CACNA2D3: variants seen among roughly 807,000 people sequenced by gnomAD.
The protein encoded by CACNA2D3 is voltage-dependent calcium channel subunit alpha-2/delta-3.
Under a neutral mutation model 160.6 loss-of-function variants are expected in CACNA2D3, and 60 were observed. That is an observed-to-expected ratio of 0.37 (90% confidence interval 0.30 to 0.46). CACNA2D3 has a LOEUF of 0.46. Ranked by LOEUF, CACNA2D3 falls within the 20% of genes least tolerant of loss-of-function variation. CACNA2D3 has a pLI of 1.00. For synonymous variants in CACNA2D3, 558 were observed against 492.9 expected, an observed-to-expected ratio of 1.13 and a Z score of -1.75; for missense variants, 1,205 against 1,365.0, an observed-to-expected ratio of 0.88 and a Z score of 1.85.
chr3:54,909,481 C>T (rs940245387), intron 27 of CACNA2D3, among the ~76,000 whole-genome samples: 5 of 152,056 alleles, frequency 3.3e-5, no homozygotes, highest in African/African-American at 1.2e-4. Flanking sequence ...GATGAGCTGA[C>T]ATGAATTTCC....
chr3:54,568,155 G>A (rs1702438609), intron 6 of CACNA2D3, among the ~76,000 whole-genome samples: 1 of 152,206 alleles, frequency 6.6e-6, no homozygotes, highest in Non-Finnish European at 1.5e-5. Context: ...AAAGAGAACA[G>A]GAAGTCATAG....
intron 11 of CACNA2D3, among the ~76,000 whole-genome samples, chr3:54,668,666 G>T (rs1026978037): frequency 2.6e-5 from 4 of 152,158 alleles, no homozygotes; most frequent in Non-Finnish European, 5.9e-5. Context: ...AACCCTGCAG[G>T]GATTGCCGTA....
chr3:54,790,881 G>A (rs1310524940), intron 13 of CACNA2D3, among the ~76,000 whole-genome samples: 1 of 152,162 alleles, frequency 6.6e-6, no homozygotes, highest in African/African-American at 2.4e-5. Context: ...CAGTCAAGGT[G>A]AAAAGGATTG....
chr3:54,899,298 C>T lies in CACNA2D3; in HGVS notation c.2369-490C>T, dbSNP rs967882606. On this transcript the variant is annotated intron_variant, in intron 26 of 37. Coordinates refer to ENST00000474759, the MANE Select transcript of CACNA2D3 (RefSeq NM_018398.3). Reference sequence around the variant, plus strand: ...TCTATCCCTGTTTAGAATAATTTTGCCCAGAAAAACTGGGCTCGAAATTAC... The same window carrying T: ...TCTATCCCTGTTTAGAATAATTTTGTCCAGAAAAACTGGGCTCGAAATTAC... 2.0e-5 allele frequency among the ~76,000 whole-genome samples: 3 copies of T among 152,080 alleles called. No individual in the cohort carries two copies. The East Asian group carries it at 5.8e-4, about 29-fold the overall frequency.
intron 2 of CACNA2D3, among the ~76,000 whole-genome samples, chr3:54,234,571 C>T (rs1355448339): frequency 6.6e-6 from 1 of 152,128 alleles, no homozygotes; most frequent in African/African-American, 2.4e-5. Context: ...ATGTTCATTA[C>T]AGCACTATTC....
chr3:54,991,086 G>A (rs1365179727), intron 31 of CACNA2D3, among the ~76,000 whole-genome samples: 12 of 152,120 alleles, frequency 7.9e-5, no homozygotes, highest in Admixed American at 7.9e-4. Context: ...CTCCAGGCTT[G>A]GCTTGTCCTT....
At chr3:54,834,064 A>G (rs1703933981) in intron 14 of CACNA2D3, among the ~76,000 whole-genome samples, 2 of 152,224 alleles carry the variant, frequency 1.3e-5, no homozygotes, top group African/African-American at 4.8e-5. Flanking sequence ...GTAATGATGC[A>G]GTAATTACAT....
chr3:54,381,856 A>G (rs1699107936), intron 3 of CACNA2D3, among the ~76,000 whole-genome samples: 1 of 152,206 alleles, frequency 6.6e-6, no homozygotes, highest in Non-Finnish European at 1.5e-5. Flanking sequence ...ACTAAAAGGG[A>G]TGAGTTATAT....
chr3:54,768,531 A>C (rs1287249517), intron 13 of CACNA2D3, among the ~76,000 whole-genome samples: 2 of 152,334 alleles, frequency 1.3e-5, no homozygotes, highest in East Asian at 3.9e-4. Flanking sequence ...TTTGCGCTGA[A>C]GTACTTTTGT....
At chr3:54,713,459 T>A (rs1341261866) in intron 11 of CACNA2D3, among the ~76,000 whole-genome samples, 1 of 152,212 alleles carries the variant, frequency 6.6e-6, no homozygotes, top group Non-Finnish European at 1.5e-5. Context: ...AGAGCCACCC[T>A]TCCCTGGATC....
chr3:54,289,538 A>G (rs2107474588), intron 2 of CACNA2D3, among the ~76,000 whole-genome samples: 1 of 152,080 alleles, frequency 6.6e-6, no homozygotes, highest in African/African-American at 2.4e-5. Context: ...GACTTTCTTC[A>G]CAGAATTGGA....
At position 54,317,656 on chromosome 3, in the gene CACNA2D3, G is replaced by A. The variant is rs373355163; in HGVS notation, c.205-2786G>A. Among the ~76,000 whole-genome samples, 14 of 152,258 alleles carry A rather than the reference G, an allele frequency of 9.2e-5. No homozygotes were observed. The South Asian group carries it at 2.9e-3, about 32-fold the overall frequency. The stretch of plus-strand genomic sequence containing the variant: ...AGGTTGAAGTGATTCTTCTGCCTCA[G>A]TCTCCTGAGTAGCTAGGATTACAGG... On this transcript the variant is annotated intron_variant, in intron 2 of 37. Transcript: ENST00000474759.
At chr3:54,560,425 A>T (rs1246834434) in intron 5 of CACNA2D3, among the ~76,000 whole-genome samples, 1 of 152,074 alleles carries the variant, frequency 6.6e-6, no homozygotes, top group African/African-American at 2.4e-5. Flanking sequence ...CCACTTTTTA[A>T]TAGGATTGTT....
chr3:54,322,959 A>G (rs1025595180), intron 3 of CACNA2D3, among the ~76,000 whole-genome samples: 4 of 152,236 alleles, frequency 2.6e-5, no homozygotes, highest in African/African-American at 9.6e-5. Context: ...TTTAAAATAA[A>G]TGCACAGGCC....
chr3:54,682,313 G>A (rs781697351), intron 11 of CACNA2D3, among the ~76,000 whole-genome samples: 42 of 152,204 alleles, frequency 2.8e-4, no homozygotes, highest in Admixed American at 8.5e-4. Flanking sequence ...TCATTAGAAC[G>A]TTGAGAATGA....
At chr3:55,012,736 A>G (rs918640760) in intron 34 of CACNA2D3, among the ~76,000 whole-genome samples, 1 of 152,108 alleles carries the variant, frequency 6.6e-6, no homozygotes, top group Non-Finnish European at 1.5e-5. Flanking sequence ...AAAACACAAG[A>G]CAGCCCCCAT....
intron 35 of CACNA2D3, among the ~76,000 whole-genome samples, chr3:55,022,148 C>T (rs1280305209): frequency 1.3e-5 from 2 of 152,066 alleles, no homozygotes; most frequent in African/African-American, 4.8e-5. Flanking sequence ...TGTTACTTAC[C>T]ATGGACATCC....
chr3:55,012,281 G>A (rs1034657495), intron 34 of CACNA2D3, among the ~76,000 whole-genome samples: 1 of 152,142 alleles, frequency 6.6e-6, no homozygotes, highest in Non-Finnish European at 1.5e-5. Flanking sequence ...GTGGGTGGGC[G>A]CTCATGCTTT....
At chr3:54,495,911 C>T (rs907586243) in intron 4 of CACNA2D3, among the ~76,000 whole-genome samples, 1 of 152,192 alleles carries the variant, frequency 6.6e-6, no homozygotes, top group African/African-American at 2.4e-5. Flanking sequence ...TGTATGAAAT[C>T]ATGCATATGT....
Sources: allele counts gnomAD v4.1 joint callset (sites outside exome capture counted in the v4.1 genomes callset), GRCh38; gene constraint gnomAD v4.1.1; transcripts MANE v1.5; gene names NCBI Gene and HGNC (gene_info 2026-07-23, HGNC 2026-07-21).